The following PAMR1 variants were observed in gnomAD, a reference collection of about 807,000 sequenced individuals.
The protein encoded by PAMR1 is inactive serine protease PAMR1.
In PAMR1, 88 loss-of-function variants were observed where a neutral mutation model predicts 81.8. The ratio of observed to expected loss-of-function variants is 1.08; its 90% CI spans 0.91 to 1.28. The LOEUF is 1.28. PAMR1 is among the 50% of genes most tolerant of loss of function. PAMR1 has a pLI of 0.00. For synonymous variants in PAMR1, 336 were observed against 345.3 expected (o/e 0.97, Z 0.30); for missense variants, 935 against 919.7 (o/e 1.02, Z -0.21).
chr11:35,445,699 A>G, intron 6 of PAMR1, among the ~76,000 whole-genome samples: 1 of 152,176 alleles, frequency 6.6e-6, no homozygotes, highest in East Asian at 1.9e-4. Context: ...ATCGTGGTGG[A>G]TAAGCTTTTT....
intron 10 of PAMR1, 95 bp downstream of exon 10, chr11:35,434,417 G>T: frequency 2.4e-6 from 3 of 1,255,644 alleles, no homozygotes; most frequent in East Asian, 2.3e-5. Context: ...CTGCTGACAT[G>T]CTAAGGGGAC....
intron 6 of PAMR1, 70 bp from the exon 7 acceptor site, chr11:35,441,763 C>A: frequency 1.9e-6 from 2 of 1,053,038 alleles, no homozygotes; most frequent in South Asian, 1.6e-5. Flanking sequence ...TAGAATCTTT[C>A]ATGTTTCATT....
intron 1 of PAMR1, among the ~76,000 whole-genome samples, chr11:35,508,777 C>G (rs993743841): frequency 5.3e-5 from 8 of 152,064 alleles, no homozygotes; most frequent in African/African-American, 1.9e-4. Context: ...GTTTAACTCC[C>G]ACTTATAAGT....
At chr11:35,496,701 T>C (rs1355041005) in intron 1 of PAMR1, among the ~76,000 whole-genome samples, 1 of 152,230 alleles carries the variant, frequency 6.6e-6, no homozygotes. Context: ...GAAAACAGTT[T>C]GGCAGTTCCT....
intron 7 of PAMR1, among the ~76,000 whole-genome samples, chr11:35,440,987 C>T (rs909303905): frequency 1.3e-5 from 2 of 152,206 alleles, no homozygotes; most frequent in African/African-American, 4.8e-5. Flanking sequence ...CTTCCTATAA[C>T]TATCCCTTGA....
chr11:35,493,053 C>T (rs758274802), intron 2 of PAMR1, among the ~76,000 whole-genome samples: 5 of 152,136 alleles, frequency 3.3e-5, no homozygotes, highest in Non-Finnish European at 5.9e-5. Context: ...CCAGAGCATC[C>T]GACTTGACTC....
intron 3 of PAMR1, among the ~76,000 whole-genome samples, chr11:35,490,294 C>A (rs1850594761): frequency 6.6e-6 from 1 of 152,202 alleles, no homozygotes; most frequent in Non-Finnish European, 1.5e-5. Context: ...CAAACCATAT[C>A]AAAGGCGTGA....
chr11:35,497,843 C>T (rs1324429620), intron 1 of PAMR1, among the ~76,000 whole-genome samples: 1 of 152,180 alleles, frequency 6.6e-6, no homozygotes, highest in Non-Finnish European at 1.5e-5. Flanking sequence ...AAAATTATAA[C>T]TCAATACAGC....
chr11:35,488,200 T>G, intron 3 of PAMR1, among the ~76,000 whole-genome samples: 1 of 88,860 alleles, frequency 1.1e-5, no homozygotes, highest in Non-Finnish European at 2.1e-5. Context: ...TTCCCATCTT[T>G]TTTTTTTTTT....
At chr11:35,465,608 T>A (rs1372664917) in intron 6 of PAMR1, among the ~76,000 whole-genome samples, 1 of 152,200 alleles carries the variant, frequency 6.6e-6, no homozygotes, top group African/African-American at 2.4e-5. Context: ...CCAAATTTCC[T>A]AGAAGGAAAA....
intron 4 of PAMR1, among the ~76,000 whole-genome samples, chr11:35,471,037 G>T (rs1481025874): frequency 6.6e-6 from 1 of 152,216 alleles, no homozygotes; most frequent in Admixed American, 6.5e-5. Flanking sequence ...GCAAGTGCCT[G>T]CCCAGGTGGA....
At chr11:35,497,465 G>C (rs759664788) in intron 1 of PAMR1, among the ~76,000 whole-genome samples, 2 of 152,190 alleles carry the variant, frequency 1.3e-5, no homozygotes, top group African/African-American at 2.4e-5. Context: ...CAGAGTTTCT[G>C]TTTGGGGTGG....
intron 1 of PAMR1, among the ~76,000 whole-genome samples, chr11:35,512,730 T>C (rs1271849934): frequency 6.6e-6 from 1 of 152,190 alleles, no homozygotes; most frequent in Non-Finnish European, 1.5e-5. Flanking sequence ...TGGTGGTTCA[T>C]GCATGTAACT....
chr11:35,438,100 G>T (rs1037612670), intron 8 of PAMR1, among the ~76,000 whole-genome samples: 3 of 152,150 alleles, frequency 2.0e-5, no homozygotes, highest in Non-Finnish European at 4.4e-5. Context: ...AAGGTACTTT[G>T]CTACAGCCTT....
At chr11:35,440,109 A>C (rs149142926) in intron 7 of PAMR1, among the ~76,000 whole-genome samples, 11 of 152,336 alleles carry the variant, frequency 7.2e-5, no homozygotes, top group African/African-American at 2.6e-4. Context: ...TGTCAACCAT[A>C]GATAAGTCTT....
intron 3 of PAMR1, among the ~76,000 whole-genome samples, chr11:35,482,849 T>C (rs619914): frequency 0.26 from 38,860 of 152,068 alleles, 7,080 homozygotes; most frequent in East Asian, 0.54. Context: ...CTATTGTTGA[T>C]GTATAGGAAT....
At chr11:35,475,101 C>T (rs2135383145) in intron 3 of PAMR1, among the ~76,000 whole-genome samples, 1 of 152,318 alleles carries the variant, frequency 6.6e-6, no homozygotes, top group African/African-American at 2.4e-5. Context: ...GCCACCCTAT[C>T]ATCCTTCCTC....
intron 1 of PAMR1, among the ~76,000 whole-genome samples, chr11:35,517,934 C>T (rs546769836): frequency 7.9e-5 from 12 of 152,256 alleles, no homozygotes; most frequent in Non-Finnish European, 1.6e-4. Context: ...TGACAAAGAC[C>T]GATGTTAGAA....
At chr11:35,491,918 C>T (rs920229327) in intron 3 of PAMR1, 127 bp downstream of exon 3, 14 of 775,962 alleles carry the variant, frequency 1.8e-5, no homozygotes, top group Non-Finnish European at 2.8e-5. Context: ...TATAGTTTTA[C>T]CTAGAAAGCC....
Sources: allele counts gnomAD v4.1 joint callset (sites outside exome capture counted in the v4.1 genomes callset), GRCh38; gene constraint gnomAD v4.1.1; transcripts MANE v1.5; gene names NCBI Gene and HGNC (gene_info 2026-07-23, HGNC 2026-07-21).